The following STARD9 variants were observed in gnomAD, a reference collection of about 807,000 sequenced individuals.
STARD9 encodes the protein stAR-related lipid transfer protein 9.
A neutral mutation model predicts 399.8 loss-of-function variants in STARD9; 346 were observed. The observed-to-expected ratio is 0.87, with a 90% CI of 0.79 to 0.95. The LOEUF is 0.95. STARD9 is among the 40% of genes least tolerant of loss of function. The pLI is 0.00. For missense variants in STARD9, 5,832 were observed against 5,667.5 expected, an observed-to-expected ratio of 1.03 and a Z score of -0.93; for synonymous variants, 2,203 against 2,143.5, an observed-to-expected ratio of 1.03 and a Z score of -0.77.
chr15:42,696,098 A>G (rs1452434878), intron 26 of STARD9, among the ~76,000 whole-genome samples: 1 of 152,224 alleles, frequency 6.6e-6, no homozygotes, highest in Admixed American at 6.5e-5. Context: ...TTCTGTGGGT[A>G]TTATTTTAGG....
rs1474241690 is a variant in STARD9, at chr15:42,665,853, G to T, written c.1317+5G>T. On this transcript the variant is annotated splice_donor_5th_base_variant and intron_variant, in intron 15 of 32. Transcript: ENST00000290607. ...GTTCTCCAAAATGAATTGAAGGTGGGTGTGTTGGGTGGACTCAGTTGTTCT... is the reference window on the plus strand; with the variant it reads ...GTTCTCCAAAATGAATTGAAGGTGGTTGTGTTGGGTGGACTCAGTTGTTCT... The T allele has an allele frequency of 6.5e-7, 1 of 1,536,908 alleles. No individual in the cohort carries two copies. The highest frequency in any genetic ancestry group is 1.2e-5 in the South Asian group (1 of 84,056).
chr15:42,718,524 T>G lies in STARD9; in HGVS notation c.13842+10T>G. The G allele has an allele frequency of 6.5e-7, 1 of 1,536,638 alleles. No individual in the cohort carries two copies. On this transcript the variant is annotated intron_variant, in intron 31 of 32. Transcript: ENST00000290607. ...CGTGGAAGCCAAAGAGGTGCCTGCC[T>G]TGGTGGTAAAGATGTTGTGGGAAGA...
rs1469717183 is a variant in STARD9 at position 42,689,504 on chromosome 15, G to T, written c.7926G>T (p.Leu2642=). The change falls in exon 23 of 33, where the codon CTG becomes CTT. Residue 2642 remains leucine, a synonymous_variant. Coordinates refer to ENST00000290607, the MANE Select transcript of STARD9 (RefSeq NM_020759.3). ...AGAGGAAAGTCCAGGCCACATCTCT[G>T]TCTGCAGACAGCTTTGAATCTCTGC... ...PDERKVQATS[L]SADSFESLPN... 1 of 1,537,294 alleles carries T rather than the reference G, an allele frequency of 6.5e-7. No homozygotes were observed.
At chr15:42,649,147 A>C (rs2059705299) in intron 7 of STARD9, among the ~76,000 whole-genome samples, 1 of 151,978 alleles carries the variant, frequency 6.6e-6, no homozygotes, top group South Asian at 2.1e-4. Flanking sequence ...CTCTTGCCTT[A>C]GCCTCCCGAG....
At chr15:42,595,269 G>T (rs1436256738) in intron 3 of STARD9, among the ~76,000 whole-genome samples, 1 of 152,074 alleles carries the variant, frequency 6.6e-6, no homozygotes, top group Non-Finnish European at 1.5e-5. Flanking sequence ...TTTACAGCAG[G>T]TATCTCCATT....
In STARD9 at chr15:42,718,138, C is replaced by G. The variant is rs893969201; in HGVS notation, c.13721C>G (p.Thr4574Arg). ...CCCCTGTATTACAAGCCCATCCAGACAGCAAGGCTGCATCAGCGAGTGACC... is the reference window on the plus strand; with the variant it reads ...CCCCTGTATTACAAGCCCATCCAGAGAGCAAGGCTGCATCAGCGAGTGACC... Reference protein sequence around the residue: ...VWPLYYKPIQTARLHQRVTNS... With the variant: ...VWPLYYKPIQRARLHQRVTNS... The change falls in exon 30 of 33, where the codon ACA becomes AGA. Residue 4574 changes from threonine to arginine, a missense_variant. Coordinates refer to ENST00000290607, the MANE Select transcript of STARD9 (RefSeq NM_020759.3). The G allele has an allele frequency of 1.2e-5, 18 of 1,537,080 alleles. No individual in the cohort carries two copies. The highest frequency in any genetic ancestry group is 1.6e-5 in the Non-Finnish European group (18 of 1,146,910).
At chr15:42,598,269 GA>G (rs1438153521) in intron 3 of STARD9, among the ~76,000 whole-genome samples, 1 of 151,382 alleles carries the variant, frequency 6.6e-6, no homozygotes, top group Non-Finnish European at 1.5e-5. Flanking sequence ...CTGACCTCGT[GA>G]TCTGCCTGCC....
At chr15:42,715,445 C>T (rs2061332076) in intron 26 of STARD9, among the ~76,000 whole-genome samples, 2 of 152,006 alleles carry the variant, frequency 1.3e-5, no homozygotes, top group South Asian at 2.1e-4. Flanking sequence ...TTTGGGAGGC[C>T]GCAGAGGGGA....
At chr15:42,712,732 A>G (rs1218812758) in intron 26 of STARD9, among the ~76,000 whole-genome samples, 1 of 152,078 alleles carries the variant, frequency 6.6e-6, no homozygotes, top group East Asian at 1.9e-4. Flanking sequence ...GGGTCTCGCT[A>G]TCTTGCCTGG....
intron 3 of STARD9, among the ~76,000 whole-genome samples, chr15:42,601,675 ACT>A (rs1365653492): frequency 1.3e-5 from 2 of 151,020 alleles, no homozygotes; most frequent in Admixed American, 1.3e-4. Context: ...TCTGAGCAAA[ACT>A]CTCCATTGTC....
rs1055893387 is a variant in STARD9 at position 42,717,038 on chromosome 15, C to G, written c.13484C>G (p.Ser4495Cys). ...QDLAKHVVDT[S>C]MADVMAACSD... Reference sequence around the variant, plus strand: ...TTGGCCAAGCATGTCGTGGACACTTCTATGGCTGATGTGAGTAACTGCTCC... The same window carrying G: ...TTGGCCAAGCATGTCGTGGACACTTGTATGGCTGATGTGAGTAACTGCTCC... Residue 4495 changes from serine (S) to cysteine (C), a missense_variant, in exon 28 of 33, where the codon TCT becomes TGT. Coordinates refer to ENST00000290607, the MANE Select transcript of STARD9 (RefSeq NM_020759.3). 4 of 1,537,108 alleles carry G rather than the reference C, an allele frequency of 2.6e-6. No homozygotes were observed. The African/African-American group carries it at 5.5e-5, about 21-fold the overall frequency.
intron 3 of STARD9, among the ~76,000 whole-genome samples, chr15:42,611,704 G>T (rs966948650): frequency 4.6e-5 from 7 of 152,150 alleles, no homozygotes; most frequent in African/African-American, 1.7e-4. Flanking sequence ...GCTGTTGGCT[G>T]TTAAACTTGC....
At chr15:42,598,682 C>T (rs533280431) in intron 3 of STARD9, among the ~76,000 whole-genome samples, 3 of 152,116 alleles carry the variant, frequency 2.0e-5, no homozygotes, top group East Asian at 1.9e-4. Flanking sequence ...GGATAGCCAT[C>T]GCCTCAAACA....
chr15:42,606,765 T>A (rs2058732102), intron 3 of STARD9, among the ~76,000 whole-genome samples: 1 of 151,886 alleles, frequency 6.6e-6, no homozygotes, highest in Non-Finnish European at 1.5e-5. Context: ...CCCAGCCTAT[T>A]TTTAGTTTTG....
At chr15:42,583,316 A>T (rs971590483) in intron 1 of STARD9, 30 bp from the exon 2 acceptor site, 7 of 1,507,916 alleles carry the variant, frequency 4.6e-6, no homozygotes, top group African/African-American at 1.4e-5. Flanking sequence ...TAAAAACAAC[A>T]TTTCTTCTGA....
At chr15:42,585,754 G>A (rs2058264345) in intron 3 of STARD9, 117 bp downstream of exon 3, 2 of 562,910 alleles carry the variant, frequency 3.6e-6, no homozygotes, top group Non-Finnish European at 5.9e-6. Context: ...CAGATTGGAA[G>A]TACTCTAATT....
chr15:42,645,354 C>A (rs2059625256), intron 7 of STARD9, among the ~76,000 whole-genome samples: 1 of 152,182 alleles, frequency 6.6e-6, no homozygotes, highest in Admixed American at 6.5e-5. Flanking sequence ...ATGAAAAGAA[C>A]ATTAGCTTCT....
chr15:42,696,903 C>T (rs1595797652), intron 26 of STARD9, among the ~76,000 whole-genome samples: 1 of 152,278 alleles, frequency 6.6e-6, no homozygotes. Context: ...TTTGTACTTA[C>T]TGAGTTGAAG....
Position 42,687,038 on chromosome 15 carries a change from A to G in STARD9, c.5460A>G (p.Pro1820=), listed in dbSNP as rs1566938196. The G allele has an allele frequency of 1.3e-6, 2 of 1,536,960 alleles. No homozygotes were observed. Among genetic ancestry groups the G allele is most frequent in the Non-Finnish European group, 1.7e-6 (2 of 1,146,854 alleles). The change falls in exon 23 of 33, where the codon CCA becomes CCG. Residue 1820 remains proline (P), a synonymous_variant. Coordinates refer to ENST00000290607, the MANE Select transcript of STARD9 (RefSeq NM_020759.3). ...CTCAGCAGGTCACAGCTGAGATACC[A>G]GTTGATCTGAATACCAGGGAAGTCA... ...ASSQQVTAEI[P]VDLNTREVIR...
Sources: allele counts gnomAD v4.1 joint callset (sites outside exome capture counted in the v4.1 genomes callset), GRCh38; gene constraint gnomAD v4.1.1; transcripts MANE v1.5; gene names NCBI Gene and HGNC (gene_info 2026-07-23, HGNC 2026-07-21).